The following SLC35F4 variants were observed in gnomAD, a reference collection of about 807,000 sequenced individuals.
The protein encoded by SLC35F4 is chromosome 14 open reading frame 36.
Under a neutral mutation model 44.2 loss-of-function variants are expected in SLC35F4, and 24 were observed. That is an observed-to-expected ratio of 0.54 (90% CI 0.39 to 0.76). SLC35F4 has a LOEUF of 0.76. Ranked by LOEUF, SLC35F4 falls within the 30% of genes least tolerant of loss-of-function variation. The probability of loss-of-function intolerance (pLI) is 0.00; values close to 1 mark genes in which losing one functional copy is unlikely to be tolerated. For synonymous variants in SLC35F4, 238 were observed against 223.6 expected (o/e 1.06, Z -0.57); for missense variants, 562 against 586.1 (o/e 0.96, Z 0.42).
chr14:57,880,228 G>T (rs1459395134), intron 1 of SLC35F4, among the ~76,000 whole-genome samples: 1 of 152,084 alleles, frequency 6.6e-6, no homozygotes, highest in South Asian at 2.1e-4. Context: ...AAATGAGATG[G>T]TGTACTTAAA....
chr14:57,882,208 A>T (rs1888550453), intron 1 of SLC35F4, among the ~76,000 whole-genome samples: 1 of 151,960 alleles, frequency 6.6e-6, no homozygotes, highest in Non-Finnish European at 1.5e-5. Context: ...AACTACAGGA[A>T]CTCCTGAGTC....
At chr14:57,822,040 A>G (rs772188603) in intron 1 of SLC35F4, among the ~76,000 whole-genome samples, 2 of 152,152 alleles carry the variant, frequency 1.3e-5, no homozygotes, top group African/African-American at 4.8e-5. Flanking sequence ...TTGCCCTACT[A>G]CTGGCCCTGG....
At position 57,901,453 on chromosome 14, in the gene SLC35F4, G is replaced by A. The variant is rs72624745; in HGVS notation, n.282+80460C>T. ...CCAAACACCACATGTTCTCACTTATGAGTAGGAGCTGAATGAGGAGAACAC... is the reference window on the plus strand; with the variant it reads ...CCAAACACCACATGTTCTCACTTATAAGTAGGAGCTGAATGAGGAGAACAC... On this transcript the variant is annotated intron_variant and non_coding_transcript_variant, in intron 1 of 1. Coordinates refer to the SLC35F4 transcript ENST00000556568. Among the ~76,000 whole-genome samples, 4,573 of 152,206 alleles carry A rather than the reference G, an allele frequency of 0.03. 440 individuals carry two copies. The East Asian group carries it at 0.39, about 13-fold the overall frequency.
intron 1 of SLC35F4, among the ~76,000 whole-genome samples, chr14:57,884,665 G>A (rs1888611429): frequency 6.6e-6 from 1 of 152,120 alleles, no homozygotes; most frequent in African/African-American, 2.4e-5. Context: ...TTGCAAACCA[G>A]AAAGTAAGTT....
At chr14:57,687,366 C>G (rs2094492185) in intron 1 of SLC35F4, among the ~76,000 whole-genome samples, 2 of 152,126 alleles carry the variant, frequency 1.3e-5, no homozygotes, top group South Asian at 2.1e-4. Context: ...TGTAACTAGA[C>G]CTGTTTATAT....
At chr14:57,912,190 G>C (rs1220853985) in intron 1 of SLC35F4, among the ~76,000 whole-genome samples, 1 of 151,486 alleles carries the variant, frequency 6.6e-6, no homozygotes, top group Non-Finnish European at 1.5e-5. Context: ...TAATTTTATT[G>C]ATCTTTTCAA....
chr14:57,862,536 T>C (rs1887768834), intron 1 of SLC35F4, among the ~76,000 whole-genome samples: 1 of 152,200 alleles, frequency 6.6e-6, no homozygotes, highest in Non-Finnish European at 1.5e-5. Flanking sequence ...CTTTCCCAAT[T>C]GTTCACTCCA....
At chr14:57,691,802 T>G (rs181737066) in intron 1 of SLC35F4, among the ~76,000 whole-genome samples, 1 of 151,980 alleles carries the variant, frequency 6.6e-6, no homozygotes, top group East Asian at 1.9e-4. Flanking sequence ...GAGATACTTA[T>G]ATAACATGAT....
intron 1 of SLC35F4, among the ~76,000 whole-genome samples, chr14:57,701,062 C>T (rs1314866525): frequency 2.6e-5 from 4 of 152,114 alleles, no homozygotes; most frequent in Non-Finnish European, 1.5e-5. Flanking sequence ...GTCTCAAACT[C>T]CTGGGTTCAA....
chr14:57,907,970 G>T (rs944310375), intron 1 of SLC35F4, among the ~76,000 whole-genome samples: 1 of 152,080 alleles, frequency 6.6e-6, no homozygotes, highest in Non-Finnish European at 1.5e-5. Flanking sequence ...AAGCCCTGGT[G>T]TGTGATGTTC....
intron 1 of SLC35F4, among the ~76,000 whole-genome samples, chr14:57,858,074 T>C (rs1309311800): frequency 6.6e-6 from 1 of 152,066 alleles, no homozygotes; most frequent in Non-Finnish European, 1.5e-5. Context: ...ACTTTTGCAC[T>C]GTTGGTGGGA....
At chr14:57,892,866 G>A (rs1478810840) in intron 1 of SLC35F4, among the ~76,000 whole-genome samples, 2 of 152,104 alleles carry the variant, frequency 1.3e-5, no homozygotes, top group African/African-American at 2.4e-5. Context: ...ATTCTTCTAA[G>A]GTTTTAGCAG....
chr14:57,879,315 T>A (rs1888468650), intron 1 of SLC35F4, among the ~76,000 whole-genome samples: 2 of 152,132 alleles, frequency 1.3e-5, no homozygotes, highest in Admixed American at 1.3e-4. Context: ...TACACTGCTC[T>A]TGGGGGTCAT....
At chr14:57,955,396 C>T (rs868742054) in intron 1 of SLC35F4, among the ~76,000 whole-genome samples, 2 of 152,112 alleles carry the variant, frequency 1.3e-5, no homozygotes, top group Non-Finnish European at 2.9e-5. Context: ...ACAAGTATGC[C>T]CTCTCTCACC....
At chr14:57,672,038 A>G (rs62004034) in intron 1 of SLC35F4, among the ~76,000 whole-genome samples, 9,228 of 152,210 alleles carry the variant, frequency 0.061, 417 homozygotes, top group South Asian at 0.093. Flanking sequence ...AACTTAAGAG[A>G]AAAGAGAAAT....
intron 1 of SLC35F4, among the ~76,000 whole-genome samples, chr14:57,950,174 C>T (rs1298355167): frequency 6.6e-6 from 1 of 151,902 alleles, no homozygotes; most frequent in Non-Finnish European, 1.5e-5. Context: ...TATTCTTATG[C>T]TTGGTCATTT....
intron 1 of SLC35F4, among the ~76,000 whole-genome samples, chr14:57,690,960 G>T (rs529959237): frequency 2.0e-5 from 3 of 152,076 alleles, no homozygotes; most frequent in Non-Finnish European, 4.4e-5. Context: ...TAACAGTATT[G>T]GTACGTAACA....
At chr14:57,697,811 C>A (rs1159399293) in intron 1 of SLC35F4, among the ~76,000 whole-genome samples, 1 of 151,990 alleles carries the variant, frequency 6.6e-6, no homozygotes, top group African/African-American at 2.4e-5. Context: ...CACTATACTC[C>A]TATACAGACA....
chr14:57,881,169 T>C (rs983947262), intron 1 of SLC35F4, among the ~76,000 whole-genome samples: 4 of 152,188 alleles, frequency 2.6e-5, no homozygotes, highest in African/African-American at 9.7e-5. Context: ...AACATACTAA[T>C]GTCATTGATT....
Sources: allele counts gnomAD v4.1 joint callset (sites outside exome capture counted in the v4.1 genomes callset), GRCh38; gene constraint gnomAD v4.1.1; transcripts MANE v1.5; gene names NCBI Gene and HGNC (gene_info 2026-07-23, HGNC 2026-07-21).